The following REPIN1 variants were observed in gnomAD, a reference collection of about 807,000 sequenced individuals.
REPIN1 encodes the protein replication initiator 1, also known as DNA-binding protein REPIN1.
Under a neutral mutation model 5.7 loss-of-function variants are expected in REPIN1, and 4 were observed. That is an observed-to-expected ratio of 0.71 (90% CI 0.35 to 1.62). REPIN1 has a LOEUF of 1.62. REPIN1 is among the 40% of genes most tolerant of loss of function. The pLI is 0.05. For synonymous variants in REPIN1, 410 were observed against 386.2 expected (o/e 1.06, Z -0.72); for missense variants, 854 against 901.0 (o/e 0.95, Z 0.67).
intron 1 of REPIN1, chr7:150,369,321 GGA>G: frequency 4.9e-6 from 2 of 410,992 alleles, no homozygotes; most frequent in Non-Finnish European, 9.1e-6. Flanking sequence ...ATTCCTGTCG[GGA>G]GGAGGCTGGG....
Position 150,369,780 on chromosome 7 carries a change from A to C in REPIN1, c.69A>C (p.Arg23=). The change falls in exon 2 of 3, where the codon CGA becomes CGC. Residue 23 remains arginine, a synonymous_variant. Coordinates refer to ENST00000489432, the MANE Select transcript of REPIN1 (RefSeq NM_001099695.2). ...CTGGGGGCTACCGGAGTGTGGGCCG[A>C]AGCAGGCGCTGCAGCCGCGGAAGTA... The part of the protein sequence containing the change: ...LTPGGYRSVG[R]SRRCSRGSIP... The C allele has an allele frequency of 1.9e-6, 3 of 1,613,848 alleles. No individual in the cohort carries two copies. The highest frequency in any genetic ancestry group is 2.5e-6 in the Non-Finnish European group (3 of 1,179,774).
intron 2 of REPIN1, chr7:150,370,935 C>T (rs1211356735): frequency 2.0e-5 from 14 of 683,506 alleles, no homozygotes; most frequent in Non-Finnish European, 3.7e-5. Flanking sequence ...AGCATTTACT[C>T]CCTGTCTGAC....
intron 2 of REPIN1, chr7:150,370,613 C>G: frequency 6.3e-6 from 4 of 633,154 alleles, no homozygotes; most frequent in Non-Finnish European, 1.1e-5. Flanking sequence ...GAGATCTTTG[C>G]AAACCCAGGC....
rs1051823 is a variant in REPIN1 at position 150,373,725 on chromosome 7, G to A, written c.*780G>A. ...CTCCTTCCAGAGCTCAGCATGTCAC[G>A]GCAAGGACTGCCGCATTGGTGATGG... On this transcript the variant is annotated 3_prime_UTR_variant, in exon 3 of 3. Coordinates refer to ENST00000489432, the MANE Select transcript of REPIN1 (RefSeq NM_001099695.2). 0.38 allele frequency: 63,564 copies of A among 166,938 alleles called. 12,628 individuals carry two copies. The highest frequency in any genetic ancestry group is 0.5 in the East Asian group (2,565 of 5,160). 10.3% of individuals were successfully genotyped at this position (166,938 alleles called of 1,614,324 possible).
rs761542222 is a variant in REPIN1, at chr7:150,372,657, C to G, written c.1587C>G (p.Pro529=). 6.2e-7 allele frequency: 1 copy of G among 1,612,058 alleles called. No individual in the cohort carries two copies. Among genetic ancestry groups the G allele is most frequent in the Non-Finnish European group, 8.5e-7 (1 of 1,179,786 alleles). Reference sequence around the variant, plus strand: ...GCGGCAAGGCCTTCCGCCACAAACCCTACCTGGCGGCGCACCGGCGCATCC... The same window carrying G: ...GCGGCAAGGCCTTCCGCCACAAACCGTACCTGGCGGCGCACCGGCGCATCC... ...PDCGKAFRHK[P]YLAAHRRIHT... The change falls in exon 3 of 3, where the codon CCC becomes CCG. Residue 529 remains proline (P), a synonymous_variant. Transcript: ENST00000489432.
rs200191877 is a variant in REPIN1, at chr7:150,371,917, C to G, written c.847C>G (p.Arg283Gly). The G allele has an allele frequency of 1.5e-3, 2,396 of 1,608,276 alleles. 29 individuals are homozygous for G. In the African/African-American group the frequency reaches 0.029, roughly 19 times the overall value. Residue 283 changes from arginine to glycine, a missense_variant, in exon 3 of 3, where the codon CGG becomes GGG. By Grantham distance (125) the Arg-to-Gly change is moderately radical (BLOSUM62 -2). Transcript: ENST00000489432. ...GGGCCGCCCCGCGGTGACCGCCCCC[C>G]GGCCCGGTGGAGATGCCGTCGACCG... Reference protein sequence around the residue: ...PRGRPAVTAPRPGGDAVDRPF... With the variant: ...PRGRPAVTAPGPGGDAVDRPF...
Position 150,369,232 on chromosome 7 carries a change from C to G in REPIN1, c.-42+291C>G, listed in dbSNP as rs1027290175. ...GGGGCTTCTGCCACCCGCGGCCAGCCGCGATGCGGAAGGGGATTCTGACGG... is the reference window on the plus strand; with the variant it reads ...GGGGCTTCTGCCACCCGCGGCCAGCGGCGATGCGGAAGGGGATTCTGACGG... On this transcript the variant is annotated intron_variant, in intron 1 of 2. Coordinates refer to ENST00000489432, the MANE Select transcript of REPIN1 (RefSeq NM_001099695.2). 7 of 388,584 alleles carry G rather than the reference C, an allele frequency of 1.8e-5. 1 individual carries two copies. Among genetic ancestry groups the G allele is most frequent in the South Asian group, 1.2e-4 (2 of 16,798 alleles). 24.1% of individuals were successfully genotyped at this position (388,584 alleles called of 1,614,324 possible).
Position 150,372,614 on chromosome 7 carries a change from C to T in REPIN1, c.1544C>T (p.Pro515Leu). The part of the protein sequence containing the change: ...AHRRDHAPDR[P>L]FVCPDCGKAF... ...CGGCGCGACCACGCCCCCGATCGGC[C>T]CTTCGTGTGTCCCGACTGCGGCAAG... The change falls in exon 3 of 3, where the codon CCC becomes CTC. Residue 515 changes from proline to leucine, a missense_variant. Around this residue, in one of 5 missense-constraint regions of REPIN1, gnomAD observed 327 missense variants for 307.8 expected, o/e 1.06. Transcript: ENST00000489432. 1 of 1,609,606 alleles carries T rather than the reference C, an allele frequency of 6.2e-7. No homozygotes were observed. Among genetic ancestry groups the T allele is most frequent in the Non-Finnish European group, 8.5e-7 (1 of 1,179,470 alleles).
chr7:150,373,236 A>G lies in REPIN1; in HGVS notation c.*291A>G. On this transcript the variant is annotated 3_prime_UTR_variant, in exon 3 of 3. Coordinates refer to ENST00000489432, the MANE Select transcript of REPIN1 (RefSeq NM_001099695.2). Reference sequence around the variant, plus strand: ...AAAGCAGCAATAGCATCCGCCCCTTAGAGCCCTCTGGCTAGAGGAGCCACC... The same window carrying G: ...AAAGCAGCAATAGCATCCGCCCCTTGGAGCCCTCTGGCTAGAGGAGCCACC... 1 of 489,152 alleles carries G rather than the reference A, an allele frequency of 2.0e-6. No individual in the cohort carries two copies. The highest frequency in any genetic ancestry group is 3.8e-6 in the Non-Finnish European group (1 of 264,500). 30.3% of individuals were successfully genotyped at this position (489,152 alleles called of 1,614,324 possible). A position where few individuals can be genotyped will look rare whatever the true frequency, so the allele number is the denominator to read the frequency against.
chr7:150,372,159 C>A lies in REPIN1; in HGVS notation c.1089C>A (p.Asn363Lys), dbSNP rs1372493267. 6.2e-7 allele frequency: 1 copy of A among 1,609,324 alleles called. No individual in the cohort carries two copies. Among genetic ancestry groups the A allele is most frequent in the Non-Finnish European group, 8.5e-7 (1 of 1,178,748 alleles). ...ECGRRFRHKPNLLSHSKIHKR... is the reference protein window; with the variant it reads ...ECGRRFRHKPKLLSHSKIHKR... Reference sequence around the variant, plus strand: ...GCCGCCGCTTCCGGCACAAACCCAACCTGCTGTCTCACAGCAAGATTCACA... The same window carrying A: ...GCCGCCGCTTCCGGCACAAACCCAAACTGCTGTCTCACAGCAAGATTCACA... The change falls in exon 3 of 3, where the codon AAC becomes AAA. Residue 363 changes from asparagine (N) to lysine (K), a missense_variant. This residue lies in a region of REPIN1 where 327 missense variants were observed against 307.8 expected (regional missense o/e 1.06). Coordinates refer to ENST00000489432, the MANE Select transcript of REPIN1 (RefSeq NM_001099695.2).
chr7:150,371,062 T>C (rs890338806), intron 2 of REPIN1, 166 bp from the exon 3 acceptor site: 17 of 804,052 alleles, frequency 2.1e-5, no homozygotes, highest in African/African-American at 1.6e-4. Context: ...AAACCCAAGA[T>C]TGAAATAATA....
At chr7:150,370,776 T>C in intron 2 of REPIN1, 2 of 702,478 alleles carry the variant, frequency 2.8e-6, no homozygotes, top group Non-Finnish European at 5.2e-6. Context: ...CAGTGTCTGT[T>C]TGTCCAGCTT....
intron 2 of REPIN1, chr7:150,370,680 T>C: frequency 2.9e-6 from 2 of 701,064 alleles, no homozygotes; most frequent in South Asian, 3.0e-5. Context: ...CTAGTCTTGA[T>C]TCTGCTGTTG....
chr7:150,368,216 T>G (rs367649266), upstream of REPIN1: 9 of 152,248 alleles, frequency 5.9e-5, no homozygotes, highest in African/African-American at 2.2e-4. Flanking sequence ...TTCTGCTCTT[T>G]CTTAATTTCT....
chr7:150,371,891 G>C lies in REPIN1; in HGVS notation c.821G>C (p.Arg274Thr), dbSNP rs1019634027. 11 of 1,606,472 alleles carry C rather than the reference G, an allele frequency of 6.8e-6. No homozygotes were observed. Among genetic ancestry groups the C allele is most frequent in the Non-Finnish European group, 9.3e-6 (11 of 1,177,386 alleles). The stretch of plus-strand genomic sequence containing the variant: ...GCCAAGGCTCTGGGGCCCCGGCCCA[G>C]GGGCCGCCCCGCGGTGACCGCCCCC... ...AAAKALGPRP[R>T]GRPAVTAPRP... The change falls in exon 3 of 3, where the codon AGG (arginine) becomes ACG (threonine). Residue 274 changes from arginine to threonine, a missense_variant. This residue lies in a region of REPIN1 where 409 missense variants were observed against 418.6 expected (regional missense o/e 0.98). Transcript: ENST00000489432.
chr7:150,372,172 A>C lies in REPIN1; in HGVS notation c.1102A>C (p.Ser368Arg). ...FRHKPNLLSH[S>R]KIHKRSEGSA... ...GCACAAACCCAACCTGCTGTCTCAC[A>C]GCAAGATTCACAAGCGATCCGAGGG... Residue 368 changes from serine to arginine, a missense_variant, in exon 3 of 3, where the codon AGC becomes CGC. By Grantham distance (110) the Ser-to-Arg change is moderately radical (BLOSUM62 -1). Coordinates refer to ENST00000489432, the MANE Select transcript of REPIN1 (RefSeq NM_001099695.2). 6.2e-7 allele frequency: 1 copy of C among 1,606,816 alleles called. No homozygotes were observed. Among genetic ancestry groups the C allele is most frequent in the African/African-American group, 1.4e-5 (1 of 73,676 alleles).
Position 150,369,948 on chromosome 7 carries a change from T to A in REPIN1, c.157+80T>A, listed in dbSNP as rs1799398607. The A allele has an allele frequency of 1.1e-5, 16 of 1,492,272 alleles. No homozygotes were observed. In the South Asian group the frequency reaches 2.1e-4, roughly 20 times the overall value. 92.4% of individuals were successfully genotyped at this position (1,492,272 alleles called of 1,614,324 possible). On this transcript the variant is annotated intron_variant, in intron 2 of 2. Coordinates refer to ENST00000489432, the MANE Select transcript of REPIN1 (RefSeq NM_001099695.2). ...GCGTCCCCATCCCGGCGGAAGGAAATGGCCCTTTCTCATATCCTGGGGTCT... is the reference window on the plus strand; with the variant it reads ...GCGTCCCCATCCCGGCGGAAGGAAAAGGCCCTTTCTCATATCCTGGGGTCT...
chr7:150,373,176 G>A lies in REPIN1; in HGVS notation c.*231G>A. The A allele has an allele frequency of 1.6e-6, 1 of 635,562 alleles. No homozygotes were observed. 39.4% of individuals were successfully genotyped at this position (635,562 alleles called of 1,614,324 possible). Reference sequence around the variant, plus strand: ...GGACGCCGGCCTCCAGCTGGTGTGTGCTAAGGCTCCGTCCTGACTGCCCTG... The same window carrying A: ...GGACGCCGGCCTCCAGCTGGTGTGTACTAAGGCTCCGTCCTGACTGCCCTG... On this transcript the variant is annotated 3_prime_UTR_variant, in exon 3 of 3. Transcript: ENST00000489432.
Position 150,372,296 on chromosome 7 carries a change from C to A in REPIN1, c.1226C>A (p.Ala409Asp). Residue 409 changes from alanine (A) to aspartate (D), a missense_variant, in exon 3 of 3, where the codon GCC becomes GAC. Around this residue, in one of 5 missense-constraint regions of REPIN1, gnomAD observed 327 missense variants for 307.8 expected, o/e 1.06. Transcript: ENST00000489432. ...EPTPAVPLKPAQEPPPGAPPE... is the reference protein window; with the variant it reads ...EPTPAVPLKPDQEPPPGAPPE... ...ACCCCGGCGGTACCTCTGAAACCGG[C>A]CCAGGAGCCGCCGCCAGGGGCCCCG... 1 of 1,522,104 alleles carries A rather than the reference C, an allele frequency of 6.6e-7. No individual in the cohort carries two copies. Among genetic ancestry groups the A allele is most frequent in the Non-Finnish European group, 8.8e-7 (1 of 1,141,740 alleles). 94.3% of individuals were successfully genotyped at this position (1,522,104 alleles called of 1,614,324 possible).
Sources: gnomAD v4.1 joint callset for allele counts on GRCh38, gnomAD v4.1.1 for gene constraint, gnomAD v4.1.1 regional missense constraint, MANE v1.5 for transcripts, NCBI Gene and HGNC (gene_info 2026-07-23, HGNC 2026-07-21) for gene names.